The following COL26A1 variants were observed in gnomAD, a reference collection of about 807,000 sequenced individuals.
The protein encoded by COL26A1 is collagen alpha-1(XXVI) chain.
A neutral mutation model predicts 59.3 loss-of-function variants in COL26A1; 41 were observed. The observed-to-expected ratio is 0.69, with a 90% CI of 0.54 to 0.90. The LOEUF is 0.90. Among genes scored for constraint, COL26A1 ranks in the 40% least tolerant of loss-of-function variants. The probability of loss-of-function intolerance (pLI) is 0.00; values close to 1 mark genes in which losing one functional copy is unlikely to be tolerated. For synonymous variants in COL26A1, 266 were observed against 256.0 expected (o/e 1.04, Z -0.37); for missense variants, 612 against 602.3 (o/e 1.02, Z -0.17).
Position 101,371,646 on chromosome 7 carries a change from G to A in COL26A1, c.158+8456G>A, listed in dbSNP as rs545790080. Among the ~76,000 whole-genome samples the A allele has an allele frequency of 4.3e-3, 653 of 152,146 alleles. 5 individuals are homozygous for A. The highest frequency in any genetic ancestry group is 0.014 in the African/African-American group (596 of 41,496). On this transcript the variant is annotated intron_variant, in intron 1 of 12. Coordinates refer to ENST00000313669, the MANE Select transcript of COL26A1 (RefSeq NM_001278563.3). ...GCAAAAAAAAAACTTTAAAAAATTA[G>A]TTGGGCATGGTGGTGCACACTTGTA...
intron 3 of COL26A1, among the ~76,000 whole-genome samples, chr7:101,462,094 G>A (rs1793629160): frequency 6.7e-6 from 1 of 148,852 alleles, no homozygotes; most frequent in Non-Finnish European, 1.5e-5. Context: ...CTGCTTCCCA[G>A]TTTCAAGTGA....
chr7:101,390,767 G>T (rs532433842), intron 1 of COL26A1, among the ~76,000 whole-genome samples: 1 of 152,292 alleles, frequency 6.6e-6, no homozygotes, highest in South Asian at 2.1e-4. Flanking sequence ...GGGCATGGAA[G>T]TGGATGGAGA....
intron 3 of COL26A1, among the ~76,000 whole-genome samples, chr7:101,452,303 C>T (rs1469493147): frequency 1.3e-5 from 2 of 152,142 alleles, no homozygotes; most frequent in African/African-American, 4.8e-5. Context: ...CTGGGAGGTC[C>T]TCACCACCAA....
intron 12 of COL26A1, among the ~76,000 whole-genome samples, chr7:101,556,604 T>C (rs1401702374): frequency 1.3e-5 from 2 of 152,022 alleles, no homozygotes; most frequent in Non-Finnish European, 2.9e-5. Context: ...GATAAATGGA[T>C]GGATGGATGG....
intron 2 of COL26A1, among the ~76,000 whole-genome samples, chr7:101,434,034 C>T (rs1165002370): frequency 7.0e-5 from 8 of 114,522 alleles, no homozygotes; most frequent in Non-Finnish European, 1.0e-4. Flanking sequence ...GGTGATTACT[C>T]CCTTCCCTTC....
intron 1 of COL26A1, among the ~76,000 whole-genome samples, chr7:101,377,729 GACTT>G (rs1412745727): frequency 6.6e-6 from 1 of 152,086 alleles, no homozygotes; most frequent in Non-Finnish European, 1.5e-5. Flanking sequence ...GACCAGCAGT[GACTT>G]ACTTCTGAAG....
intron 1 of COL26A1, among the ~76,000 whole-genome samples, chr7:101,415,162 T>A (rs1584387714): frequency 6.6e-6 from 1 of 151,824 alleles, no homozygotes; most frequent in South Asian, 2.1e-4. Flanking sequence ...CCCCCCTTTT[T>A]TTTTTTGAGA....
chr7:101,550,165 A>G (rs1030781525), intron 9 of COL26A1, among the ~76,000 whole-genome samples: 2 of 152,136 alleles, frequency 1.3e-5, no homozygotes, highest in Admixed American at 1.3e-4. Context: ...CATCTTTAAA[A>G]AGCTCCTCTG....
chr7:101,390,729 G>A (rs772146331), intron 1 of COL26A1, among the ~76,000 whole-genome samples: 29 of 152,118 alleles, frequency 1.9e-4, no homozygotes, highest in Non-Finnish European at 3.2e-4. Flanking sequence ...CTGGCCTGGA[G>A]CCACTTTTAA....
At chr7:101,395,949 T>A (rs1009261063) in intron 1 of COL26A1, among the ~76,000 whole-genome samples, 6 of 152,130 alleles carry the variant, frequency 3.9e-5, no homozygotes, top group African/African-American at 1.4e-4. Flanking sequence ...TTTGTTCACA[T>A]CCGGCCCTTG....
At chr7:101,448,955 C>T (rs375960541) in intron 3 of COL26A1, among the ~76,000 whole-genome samples, 39 of 152,304 alleles carry the variant, frequency 2.6e-4, no homozygotes, top group South Asian at 8.3e-4. Flanking sequence ...CAAAGAATAA[C>T]GCAATTGACA....
intron 3 of COL26A1, among the ~76,000 whole-genome samples, chr7:101,506,553 G>A (rs894341082): frequency 6.6e-6 from 1 of 152,160 alleles, no homozygotes; most frequent in Non-Finnish European, 1.5e-5. Context: ...TGAGCTGCAG[G>A]GCTGGTCTAG....
chr7:101,448,427 C>T (rs1381165920), intron 3 of COL26A1, among the ~76,000 whole-genome samples: 1 of 152,158 alleles, frequency 6.6e-6, no homozygotes, highest in Non-Finnish European at 1.5e-5. Context: ...AGTTTGCAGC[C>T]CACCTTGTTC....
At chr7:101,516,454 T>C (rs78695326) in intron 3 of COL26A1, among the ~76,000 whole-genome samples, 18 of 152,130 alleles carry the variant, frequency 1.2e-4, no homozygotes, top group African/African-American at 3.9e-4. Context: ...ATTTTTTTTT[T>C]AGAGATGGGG....
At chr7:101,502,835 C>G (rs903524647) in intron 3 of COL26A1, among the ~76,000 whole-genome samples, 23 of 152,324 alleles carry the variant, frequency 1.5e-4, no homozygotes, top group African/African-American at 5.1e-4. Context: ...CTTACAGGAA[C>G]GGGCACTCCC....
At chr7:101,395,807 A>T (rs373373172) in intron 1 of COL26A1, among the ~76,000 whole-genome samples, 17 of 152,340 alleles carry the variant, frequency 1.1e-4, no homozygotes, top group African/African-American at 3.1e-4. Flanking sequence ...AAGCAGGCCA[A>T]GGAATTGCCT....
rs116173248 is a variant in COL26A1, at chr7:101,496,475, T to G, written c.386-36607T>G. On this transcript the variant is annotated intron_variant, in intron 3 of 12. Transcript: ENST00000313669. ...GAGTGGGCTGAAGTGTGGAGATGGT[T>G]GATGGGTGGAAGAGTGCAGGGCGAG... 8.8e-3 allele frequency among the ~76,000 whole-genome samples: 1,337 copies of G among 152,110 alleles called. 24 individuals are homozygous for G. The highest frequency in any genetic ancestry group is 0.031 in the African/African-American group (1,274 of 41,514).
At chr7:101,490,831 T>G (rs1419760575) in intron 3 of COL26A1, among the ~76,000 whole-genome samples, 1 of 151,988 alleles carries the variant, frequency 6.6e-6, no homozygotes, top group Non-Finnish European at 1.5e-5. Flanking sequence ...AAACGCTGTC[T>G]CTACTAAAAA....
At chr7:101,470,983 C>T (rs1350672763) in intron 3 of COL26A1, among the ~76,000 whole-genome samples, 1 of 152,040 alleles carries the variant, frequency 6.6e-6, no homozygotes, top group Non-Finnish European at 1.5e-5. Flanking sequence ...AAAACACACT[C>T]CTATCACTCA....
Sources: gnomAD v4.1 joint callset for allele counts (sites outside exome capture counted in the v4.1 genomes callset) on GRCh38, gnomAD v4.1.1 for gene constraint, MANE v1.5 for transcripts, NCBI Gene and HGNC (gene_info 2026-07-23, HGNC 2026-07-21) for gene names.